AUH: variants seen among roughly 807,000 people sequenced by gnomAD.
AUH encodes methylglutaconyl-CoA hydratase, mitochondrial.
Under a neutral mutation model 42.3 loss-of-function variants are expected in AUH, and 29 were observed. The observed-to-expected ratio is 0.69, with a 90% CI of 0.51 to 0.93. AUH has a LOEUF of 0.93. Among genes scored for constraint, AUH ranks in the 40% least tolerant of loss-of-function variants. The probability of loss-of-function intolerance (pLI) is 0.00; values close to 1 mark genes in which losing one functional copy is unlikely to be tolerated. For synonymous variants in AUH, 174 were observed against 166.4 expected (o/e 1.05, Z -0.35); for missense variants, 452 against 438.1 (o/e 1.03, Z -0.28).
chr9:91,281,383 C>G (rs377134639), intron 6 of AUH, among the ~76,000 whole-genome samples: 37 of 152,242 alleles, frequency 2.4e-4, no homozygotes, highest in African/African-American at 8.4e-4. Context: ...GAGTTACTCT[C>G]CTGGAGTTCT....
At chr9:91,316,299 AC>A (rs1220989762) in intron 4 of AUH, among the ~76,000 whole-genome samples, 1 of 152,142 alleles carries the variant, frequency 6.6e-6, no homozygotes, top group African/African-American at 2.4e-5. Context: ...ATACTCTCCC[AC>A]CCCTATGTGT....
chr9:91,343,403 T>A (rs1831247346), intron 3 of AUH, among the ~76,000 whole-genome samples: 1 of 152,184 alleles, frequency 6.6e-6, no homozygotes, highest in Non-Finnish European at 1.5e-5. Context: ...TTTGAAAAGA[T>A]AAACAAAAGT....
intron 3 of AUH, among the ~76,000 whole-genome samples, chr9:91,350,917 C>T (rs76767427): frequency 0.029 from 4,393 of 151,846 alleles, 104 homozygotes; most frequent in East Asian, 0.066. Flanking sequence ...GTTAATATAA[C>T]GAAGTTATTT....
chr9:91,293,032 T>C (rs1175090493), intron 6 of AUH, among the ~76,000 whole-genome samples: 1 of 152,198 alleles, frequency 6.6e-6, no homozygotes, highest in Non-Finnish European at 1.5e-5. Flanking sequence ...TGTAATTATT[T>C]TGGGGCACCA....
rs373983251 is a variant in AUH, at chr9:91,326,592, C to G, written c.419-1188G>C. On this transcript the variant is annotated intron_variant, in intron 3 of 9. Transcript: ENST00000375731. The stretch of plus-strand genomic sequence containing the variant: ...AAAGTATTAATTACAGAAAGATACA[C>G]AGGATAATGAACACAAATTTTAAAA... Among the ~76,000 whole-genome samples the G allele has an allele frequency of 2.0e-4, 30 of 152,120 alleles. No individual in the cohort carries two copies. In the East Asian group the frequency reaches 5.0e-3, roughly 25 times the overall value.
At position 91,361,807 on chromosome 9, in the gene AUH, G is replaced by A. The variant is rs1462653727; in HGVS notation, c.83C>T (p.Ala28Val). 3 of 1,524,048 alleles carry A rather than the reference G, an allele frequency of 2.0e-6. No homozygotes were observed. Among genetic ancestry groups the A allele is most frequent in the East Asian group, 2.6e-5 (1 of 38,238 alleles). The allele number at this position is 1,524,048 out of a possible 1,614,324, so 94.4% of individuals were successfully genotyped here. The part of the protein sequence containing the change: ...GGARLVAACS[A>V]WLCPGLRLPG... ...CAGCCTCAACCCCGGGCAGAGCCACGCACTGCAAGCGGCCACCAGGCGGGC... is the reference window on the plus strand; with the variant it reads ...CAGCCTCAACCCCGGGCAGAGCCACACACTGCAAGCGGCCACCAGGCGGGC... The change falls in exon 1 of 10, where the codon GCG becomes GTG. Residue 28 changes from alanine (A) to valine (V), a missense_variant. Coordinates refer to ENST00000375731, the MANE Select transcript of AUH (RefSeq NM_001698.3).
At chr9:91,294,760 T>C (rs1456273207) in intron 6 of AUH, 1 of 455,694 alleles carries the variant, frequency 2.2e-6, no homozygotes, top group African/African-American at 2.0e-5. Flanking sequence ...TCTTCATGGA[T>C]GACTTGGAGG....
intron 6 of AUH, among the ~76,000 whole-genome samples, chr9:91,272,480 C>CT (rs1337718745): frequency 6.6e-6 from 1 of 152,150 alleles, no homozygotes; most frequent in Non-Finnish European, 1.5e-5. Flanking sequence ...TGCCTTGCTC[C>CT]TCCCTGGGCC....
At chr9:91,246,732 A>G (rs2131365475) in intron 6 of AUH, among the ~76,000 whole-genome samples, 1 of 152,386 alleles carries the variant, frequency 6.6e-6, no homozygotes, top group Non-Finnish European at 1.5e-5. Flanking sequence ...TTAGAAGCTA[A>G]GCAAATAAAC....
intron 4 of AUH, among the ~76,000 whole-genome samples, chr9:91,303,043 GATA>G (rs1827928386): frequency 6.6e-6 from 1 of 152,040 alleles, no homozygotes; most frequent in African/African-American, 2.4e-5. Flanking sequence ...TGACAAAGAA[GATA>G]ATAATCCTTT....
At chr9:91,247,275 A>C (rs77868107) in intron 6 of AUH, among the ~76,000 whole-genome samples, 3,774 of 152,236 alleles carry the variant, frequency 0.025, 76 homozygotes, top group East Asian at 0.059. Flanking sequence ...ACTCTGCAAG[A>C]GGGTAAGGGG....
At chr9:91,332,232 T>C (rs969846309) in intron 3 of AUH, among the ~76,000 whole-genome samples, 2 of 152,196 alleles carry the variant, frequency 1.3e-5, no homozygotes, top group Non-Finnish European at 2.9e-5. Context: ...CTGGGCGCGG[T>C]GGCTCACGCC....
intron 6 of AUH, among the ~76,000 whole-genome samples, chr9:91,288,454 T>C (rs1826593825): frequency 2.0e-5 from 3 of 152,114 alleles, no homozygotes. Context: ...GAGACGAAAC[T>C]AGGGCTATAT....
At chr9:91,251,773 C>T (rs1264209894) in intron 6 of AUH, among the ~76,000 whole-genome samples, 1 of 152,106 alleles carries the variant, frequency 6.6e-6, no homozygotes, top group Non-Finnish European at 1.5e-5. Flanking sequence ...GAATAATTCA[C>T]GCTGCCCCTT....
chr9:91,282,198 T>C lies in AUH; in HGVS notation c.655+13823A>G, dbSNP rs567521838. ...TACTAGTTGATACTTTTGACTGACA[T>C]GCTTTTCCTCAGATCTGTATGATTA... On this transcript the variant is annotated intron_variant, in intron 6 of 9. Transcript: ENST00000375731. Among the ~76,000 whole-genome samples, 11 of 152,296 alleles carry C rather than the reference T, an allele frequency of 7.2e-5. No individual in the cohort carries two copies. The South Asian group carries it at 2.3e-3, about 32-fold the overall frequency.
intron 3 of AUH, among the ~76,000 whole-genome samples, chr9:91,342,258 C>T (rs1018771224): frequency 6.6e-6 from 1 of 152,222 alleles, no homozygotes; most frequent in Admixed American, 6.5e-5. Flanking sequence ...TTCTCTCCAA[C>T]TTCTGCTTCC....
chr9:91,265,301 C>CTCTA (rs1246480974), intron 6 of AUH, among the ~76,000 whole-genome samples: 1 of 140,748 alleles, frequency 7.1e-6, no homozygotes, highest in Non-Finnish European at 1.5e-5. Flanking sequence ...TTGGTCTTTG[C>CTCTA]TCTACATTTT....
At chr9:91,327,105 C>T (rs1173368740) in intron 3 of AUH, among the ~76,000 whole-genome samples, 5 of 152,238 alleles carry the variant, frequency 3.3e-5, no homozygotes, top group South Asian at 4.1e-4. Flanking sequence ...ATCAATCCTA[C>T]GAAAAGCCAG....
At chr9:91,311,268 T>A (rs544432333) in intron 4 of AUH, among the ~76,000 whole-genome samples, 33 of 152,234 alleles carry the variant, frequency 2.2e-4, no homozygotes, top group Non-Finnish European at 4.3e-4. Flanking sequence ...AAGAAAAAAA[T>A]TGTTAAATAC....
Sources: gnomAD v4.1 joint callset for allele counts (sites outside exome capture counted in the v4.1 genomes callset) on GRCh38, gnomAD v4.1.1 for gene constraint, MANE v1.5 for transcripts, NCBI Gene and HGNC (gene_info 2026-07-23, HGNC 2026-07-21) for gene names.